DLC1: variants seen among roughly 807,000 people sequenced by gnomAD.
DLC1 encodes the protein DLC1 Rho GTPase activating protein.
A neutral mutation model predicts 140.3 loss-of-function variants in DLC1; 54 were observed. The observed-to-expected ratio is 0.38, with a 90% CI of 0.31 to 0.48. The LOEUF is 0.48. Among genes scored for constraint, DLC1 ranks in the 20% least tolerant of loss-of-function variants. The pLI is 0.96. For synonymous variants in DLC1, 986 were observed against 728.1 expected (o/e 1.35, Z -5.70); for missense variants, 2,536 against 1,907.0 (o/e 1.33, Z -6.14).
Position 13,233,473 on chromosome 8 carries a change from T to TC in DLC1, c.1348+71795dup, listed in dbSNP as rs531066822. Among the ~76,000 whole-genome samples the TC allele has an allele frequency of 9.2e-5, 14 of 152,180 alleles. No homozygotes were observed. In the South Asian group the frequency reaches 2.9e-3, roughly 32 times the overall value. ...TTTCAATACATTTTAATATGTTTTT[T>TC]CCCCAACAGTTAAATTTTTTCCTCC... On this transcript the variant is annotated intron_variant, in intron 5 of 17. Coordinates refer to ENST00000276297, the MANE Select transcript of DLC1 (RefSeq NM_182643.3).
intron 1 of DLC1, chr8:13,567,334 T>G: frequency 6.4e-7 from 1 of 1,551,640 alleles, no homozygotes. Flanking sequence ...CACTCGGGTA[T>G]CAGATGAAGA....
intron 4 of DLC1, chr8:13,341,222 C>T (rs919690182): frequency 1.3e-5 from 2 of 152,182 alleles, no homozygotes; most frequent in East Asian, 1.9e-4. Flanking sequence ...AAAAGAAAGA[C>T]CTCACGAAAC....
chr8:13,188,437 A>AAAAAAAAAG (rs1826515484), intron 5 of DLC1, among the ~76,000 whole-genome samples: 1 of 149,370 alleles, frequency 6.7e-6, no homozygotes, highest in Non-Finnish European at 1.5e-5. Flanking sequence ...AAAAAAAAAA[A>AAAAAAAAAG]AAAAGAAAAG....
chr8:13,390,626 A>G (rs1836711851), intron 4 of DLC1, among the ~76,000 whole-genome samples: 1 of 152,152 alleles, frequency 6.6e-6, no homozygotes, highest in African/African-American at 2.4e-5. Flanking sequence ...GGTGCAGCAA[A>G]CCACCATGGC....
chr8:13,535,160 CAT>C (rs1182019418), intron 1 of DLC1, among the ~76,000 whole-genome samples: 2 of 151,966 alleles, frequency 1.3e-5, no homozygotes, highest in Non-Finnish European at 2.9e-5. Context: ...TAAGAAAAAA[CAT>C]ATATACTAAT....
intron 1 of DLC1, among the ~76,000 whole-genome samples, chr8:13,582,417 C>T (rs1243188828): frequency 1.3e-5 from 2 of 152,096 alleles, no homozygotes; most frequent in South Asian, 4.1e-4. Flanking sequence ...AGTCAGTGGA[C>T]TGGGGAAGGC....
chr8:13,388,688 GTA>G, intron 4 of DLC1, among the ~76,000 whole-genome samples: 1 of 151,906 alleles, frequency 6.6e-6, no homozygotes, highest in Admixed American at 6.6e-5. Context: ...GTGAATATAT[GTA>G]CACACACAAG....
intron 1 of DLC1, among the ~76,000 whole-genome samples, chr8:13,554,256 G>A (rs1803967812): frequency 6.6e-6 from 1 of 152,042 alleles, no homozygotes; most frequent in African/African-American, 2.4e-5. Context: ...TAGTAGAGAT[G>A]GGGTTTCGCC....
intron 5 of DLC1, among the ~76,000 whole-genome samples, chr8:13,270,442 C>T (rs1487551556): frequency 3.3e-5 from 5 of 152,204 alleles, no homozygotes; most frequent in African/African-American, 1.2e-4. Context: ...TGCTTGAAAG[C>T]CCAGGCCTGC....
intron 5 of DLC1, among the ~76,000 whole-genome samples, chr8:13,285,516 C>A (rs1431216256): frequency 1.3e-5 from 2 of 152,046 alleles, no homozygotes; most frequent in Non-Finnish European, 2.9e-5. Context: ...TAAACTGATA[C>A]ATCACAAAAG....
chr8:13,333,103 A>C (rs558614349), intron 4 of DLC1, among the ~76,000 whole-genome samples: 3 of 152,304 alleles, frequency 2.0e-5, no homozygotes, highest in Admixed American at 2.0e-4. Context: ...TACTTATATA[A>C]ATTGTTTAAA....
intron 2 of DLC1, among the ~76,000 whole-genome samples, chr8:13,428,850 CAA>C (rs1838728598): frequency 1.3e-5 from 2 of 152,118 alleles, no homozygotes; most frequent in Admixed American, 1.3e-4. Flanking sequence ...ACTAATTCTT[CAA>C]AGAGTATTTA....
chr8:13,126,613 G>A (rs1184294774), intron 5 of DLC1, among the ~76,000 whole-genome samples: 1 of 151,966 alleles, frequency 6.6e-6, no homozygotes, highest in African/African-American at 2.4e-5. Context: ...AATGAAGCAC[G>A]TGTTTTAAGA....
At position 13,269,424 on chromosome 8, in the gene DLC1, G is replaced by C. The variant is rs1830825753; in HGVS notation, c.1348+35845C>G. Among the ~76,000 whole-genome samples the C allele has an allele frequency of 2.6e-5, 4 of 152,012 alleles. No individual in the cohort carries two copies. The South Asian group carries it at 6.2e-4, about 24-fold the overall frequency. ...AACTCCAGCACATGCCAACTGAATG[G>C]CATTTCCTCTTTCTTCAAGAGTGAC... On this transcript the variant is annotated intron_variant, in intron 5 of 17. Transcript: ENST00000276297.
At chr8:13,107,559 T>C (rs1819670367) in intron 7 of DLC1, among the ~76,000 whole-genome samples, 1 of 152,234 alleles carries the variant, frequency 6.6e-6, no homozygotes, top group African/African-American at 2.4e-5. Flanking sequence ...TCTGTCAGTC[T>C]AGAGAGAACT....
intron 1 of DLC1, among the ~76,000 whole-genome samples, chr8:13,587,566 CACAGAG>C (rs1805369157): frequency 7.0e-6 from 1 of 142,430 alleles, no homozygotes; most frequent in South Asian, 2.2e-4. Flanking sequence ...CACACACACA[CACAGAG>C]AGAGAGAAAA....
intron 1 of DLC1, among the ~76,000 whole-genome samples, chr8:13,559,799 A>T (rs1804177646): frequency 6.6e-6 from 1 of 152,234 alleles, no homozygotes; most frequent in African/African-American, 2.4e-5. Flanking sequence ...TGTTCGTTTT[A>T]TACATCATCT....
chr8:13,395,559 T>G (rs1475092375), intron 3 of DLC1, among the ~76,000 whole-genome samples: 2 of 152,234 alleles, frequency 1.3e-5, no homozygotes, highest in African/African-American at 4.8e-5. Flanking sequence ...AAATACAGTT[T>G]TATGAAGAAA....
intron 2 of DLC1, among the ~76,000 whole-genome samples, chr8:13,473,233 G>C (rs1026232031): frequency 6.6e-6 from 1 of 152,098 alleles, no homozygotes; most frequent in African/African-American, 2.4e-5. Context: ...GATATGATTT[G>C]GTTGTGTCCC....
Sources: gnomAD v4.1 joint callset for allele counts (sites outside exome capture counted in the v4.1 genomes callset) on GRCh38, gnomAD v4.1.1 for gene constraint, MANE v1.5 for transcripts, NCBI Gene and HGNC (gene_info 2026-07-23, HGNC 2026-07-21) for gene names.